ZNF407: variants seen among roughly 807,000 people sequenced by gnomAD.
The protein encoded by ZNF407 is zinc finger protein 407.
In ZNF407, 17 loss-of-function variants were observed where a neutral mutation model predicts 131.2. The ratio of observed to expected loss-of-function variants is 0.13; its 90% CI spans 0.09 to 0.19. ZNF407 has a LOEUF of 0.19. ZNF407 is among the 10% of genes least tolerant of loss of function. ZNF407 has a pLI of 1.00. For synonymous variants in ZNF407, 1,156 were observed against 1,062.0 expected (o/e 1.09, Z -1.72); for missense variants, 2,681 against 2,830.6 (o/e 0.95, Z 1.20).
chr18:74,598,397 T>G (rs994857495), intron 1 of ZNF407: 1 of 152,396 alleles, frequency 6.6e-6, no homozygotes, highest in African/African-American at 2.4e-5. Context: ...GACGCACCCC[T>G]GCACCGAAAT....
intron 4 of ZNF407, chr18:74,804,222 T>A: frequency 3.2e-6 from 4 of 1,268,084 alleles, no homozygotes; most frequent in South Asian, 3.2e-5. Flanking sequence ...AAATGTAGGC[T>A]AGTCTAGTGA....
At chr18:74,973,786 G>A (rs1274169153) in intron 8 of ZNF407, among the ~76,000 whole-genome samples, 18 of 152,116 alleles carry the variant, frequency 1.2e-4, no homozygotes, top group Admixed American at 6.5e-5. Flanking sequence ...TGCTCCTGGT[G>A]GGCCCTTGGC....
rs1188865305 is a variant in ZNF407, at chr18:74,703,704, T to C, written c.4802+62582T>C. Among the ~76,000 whole-genome samples the C allele has an allele frequency of 6.6e-6, 1 of 152,110 alleles. No individual in the cohort carries two copies. Among genetic ancestry groups the C allele is most frequent in the Non-Finnish European group, 1.5e-5 (1 of 68,018 alleles). On this transcript the variant is annotated intron_variant, in intron 3 of 8. Coordinates refer to ENST00000299687, the MANE Select transcript of ZNF407 (RefSeq NM_017757.3). The surrounding 1 kb of genome is among the most constrained non-coding windows in gnomAD (Gnocchi z 4.1). The stretch of plus-strand genomic sequence containing the variant: ...TGGGCTATGAGATTGATTTTTTTTT[T>C]AACTGAATATGGTAATGTTTTTAAT...
chr18:74,792,635 A>G (rs901995350), intron 4 of ZNF407, among the ~76,000 whole-genome samples: 2 of 152,192 alleles, frequency 1.3e-5, no homozygotes, highest in South Asian at 4.1e-4. Flanking sequence ...AATACTTATA[A>G]TAATGACAAT....
chr18:74,748,124 C>G (rs17055509), intron 3 of ZNF407, among the ~76,000 whole-genome samples: 1,559 of 152,122 alleles, frequency 0.01, 28 homozygotes, highest in African/African-American at 0.036. Flanking sequence ...ATATGTTCAA[C>G]TATTTTAATG....
chr18:75,011,428 A>G (rs80109967), intron 8 of ZNF407, among the ~76,000 whole-genome samples: 1,595 of 152,322 alleles, frequency 0.01, 30 homozygotes, highest in African/African-American at 0.035. Flanking sequence ...TAGAGCAGAC[A>G]TACCTTAGTT....
At chr18:74,637,807 CTA>C (rs913572857) in intron 2 of ZNF407, among the ~76,000 whole-genome samples, 4 of 152,234 alleles carry the variant, frequency 2.6e-5, no homozygotes, top group Middle Eastern at 6.8e-3. Context: ...TTGTGATTTA[CTA>C]TATGTTTTAT....
chr18:75,059,020 G>A (rs551179432), intron 8 of ZNF407, among the ~76,000 whole-genome samples: 39 of 152,288 alleles, frequency 2.6e-4, no homozygotes, highest in Admixed American at 1.0e-3. Context: ...ACCCGCGCTC[G>A]CATTTATGAA....
chr18:74,770,101 C>T (rs1339853907), intron 3 of ZNF407, among the ~76,000 whole-genome samples: 1 of 152,072 alleles, frequency 6.6e-6, no homozygotes, highest in African/African-American at 2.4e-5. Context: ...TCACATGAAG[C>T]ATACAACAAA....
chr18:74,914,934 A>G (rs1315059233), intron 7 of ZNF407, among the ~76,000 whole-genome samples: 1 of 152,208 alleles, frequency 6.6e-6, no homozygotes, highest in Admixed American at 6.5e-5. Flanking sequence ...CTTTCTTCCT[A>G]GTTCATTACA....
chr18:75,005,339 CT>C (rs1484757710), intron 8 of ZNF407, among the ~76,000 whole-genome samples: 2 of 151,800 alleles, frequency 1.3e-5, no homozygotes, highest in South Asian at 4.2e-4. Flanking sequence ...AAGAACTTGC[CT>C]TTTTTTTCTC....
intron 8 of ZNF407, among the ~76,000 whole-genome samples, chr18:74,974,831 C>G (rs1473132902): frequency 6.6e-6 from 1 of 152,164 alleles, no homozygotes; most frequent in Admixed American, 6.5e-5. Context: ...CCTATGTATA[C>G]AGTACATATA....
At chr18:74,706,940 CTTTTTT>C (rs34700805) in intron 3 of ZNF407, among the ~76,000 whole-genome samples, 1 of 132,352 alleles carries the variant, frequency 7.6e-6, no homozygotes, top group African/African-American at 3.0e-5. Context: ...AAGACAGCAG[CTTTTTT>C]TTTTTTTTTT....
At chr18:74,700,155 T>A (rs1967457337) in intron 3 of ZNF407, among the ~76,000 whole-genome samples, 1 of 152,260 alleles carries the variant, frequency 6.6e-6, no homozygotes, top group South Asian at 2.1e-4. Flanking sequence ...TTCTACTTTG[T>A]GAGGTTTATT....
At chr18:74,750,372 GA>G (rs1180330555) in intron 3 of ZNF407, among the ~76,000 whole-genome samples, 1 of 152,138 alleles carries the variant, frequency 6.6e-6, no homozygotes, top group Non-Finnish European at 1.5e-5. Flanking sequence ...TCAGCTGAGG[GA>G]AAGTCATTTA....
intron 8 of ZNF407, among the ~76,000 whole-genome samples, chr18:75,016,000 CTTTT>C (rs1017012904): frequency 3.3e-5 from 5 of 151,940 alleles, no homozygotes; most frequent in African/African-American, 1.2e-4. Flanking sequence ...CAAAAAAAGC[CTTTT>C]TTGTCAGCTT....
intron 3 of ZNF407, among the ~76,000 whole-genome samples, chr18:74,659,697 C>T (rs1030198421): frequency 1.3e-5 from 2 of 152,058 alleles, no homozygotes; most frequent in African/African-American, 2.4e-5. Context: ...TTTGAGTTAG[C>T]GGCAAAGTAA....
At chr18:74,779,101 A>ATTTT (rs1156246020) in intron 3 of ZNF407, among the ~76,000 whole-genome samples, 2 of 31,498 alleles carry the variant, frequency 6.3e-5, no homozygotes, top group Non-Finnish European at 1.2e-4. Flanking sequence ...ATATATATAT[A>ATTTT]TATATATATT....
At chr18:75,036,354 T>C (rs1169717762) in intron 8 of ZNF407, among the ~76,000 whole-genome samples, 2 of 151,858 alleles carry the variant, frequency 1.3e-5, no homozygotes, top group Non-Finnish European at 2.9e-5. Context: ...AAGTGTGACC[T>C]GACAGTCCCT....
Sources: allele counts gnomAD v4.1 joint callset (sites outside exome capture counted in the v4.1 genomes callset), GRCh38; gene constraint gnomAD v4.1.1; non-coding constraint Gnocchi (gnomAD v3.1); transcripts MANE v1.5; gene names NCBI Gene and HGNC (gene_info 2026-07-23, HGNC 2026-07-21).